AP1G2: variants seen among roughly 807,000 people sequenced by gnomAD.
The protein encoded by AP1G2 is AP-1 complex subunit gamma-like 2.
Under a neutral mutation model 95.8 loss-of-function variants are expected in AP1G2, and 85 were observed. The observed-to-expected ratio is 0.89, with a 90% CI of 0.74 to 1.06. AP1G2 has a LOEUF of 1.06. Ranked by LOEUF, AP1G2 falls within the 50% of genes least tolerant of loss-of-function variation. The pLI is 0.00. For missense variants in AP1G2, 967 were observed against 1,005.8 expected (o/e 0.96, Z 0.52); for synonymous variants, 378 against 400.0 (o/e 0.94, Z 0.66).
rs1414982017 is a variant in AP1G2, at chr14:23,563,433, G to A, written c.1357C>T (p.His453Tyr). ...TQLIGGAQEL[H>Y]AYSVRRLYNA... The stretch of plus-strand genomic sequence containing the variant: ...TAGAGGCGGCGCACAGAGTAGGCAT[G>A]TAGCTCCTGGGCCCCCCCAATCAGC... The change falls in exon 14 of 22, where the codon CAT becomes TAT. Residue 453 changes from histidine to tyrosine, a missense_variant. Coordinates refer to ENST00000397120, the MANE Select transcript of AP1G2 (RefSeq NM_003917.5). 6.8e-6 allele frequency: 11 copies of A among 1,612,544 alleles called. No homozygotes were observed. In the African/African-American group the frequency reaches 1.1e-4, roughly 16 times the overall value.
At chr14:23,565,920 G>T in intron 5 of AP1G2, 28 bp from the exon 6 acceptor site, 1 of 1,600,232 alleles carries the variant, frequency 6.2e-7, no homozygotes, top group Non-Finnish European at 8.5e-7. Flanking sequence ...GAAGTGAATG[G>T]TGGGGGCCAG....
intron 19 of AP1G2, 185 bp from the exon 20 acceptor site, chr14:23,560,603 C>T: frequency 3.6e-6 from 2 of 550,570 alleles, no homozygotes; most frequent in Non-Finnish European, 2.9e-6. Flanking sequence ...TAAAAAAAGG[C>T]CGGGCGTGAG....
intron 4 of AP1G2, 28 bp from the exon 5 acceptor site, chr14:23,566,188 G>A (rs780928506): frequency 6.3e-7 from 1 of 1,595,128 alleles, no homozygotes; most frequent in Non-Finnish European, 8.6e-7. Context: ...CTCAGACAGG[G>A]GTCAGAGGAG....
rs757678536 is a variant in AP1G2 at position 23,563,368 on chromosome 14, T to C, written c.1410+12A>G. ...TTGGGCAGCCCTGGGCCTAGGTAGG[T>C]GGGAATGGTACCTGGGAAATGTCTT... On this transcript the variant is annotated intron_variant, in intron 14 of 21. Coordinates refer to ENST00000397120, the MANE Select transcript of AP1G2 (RefSeq NM_003917.5). 5.7e-6 allele frequency: 9 copies of C among 1,577,950 alleles called. No homozygotes were observed. Among genetic ancestry groups the C allele is most frequent in the Non-Finnish European group, 5.2e-6 (6 of 1,162,596 alleles).
chr14:23,565,952 G>T, intron 5 of AP1G2, 60 bp from the exon 6 acceptor site: 1 of 1,606,650 alleles, frequency 6.2e-7, no homozygotes, highest in Admixed American at 1.7e-5. Flanking sequence ...TCTATTGCGT[G>T]TGTGCCTGTG....
In AP1G2 at chr14:23,567,559, A is replaced by C; in HGVS notation, c.-6+180T>G. 7.6e-7 allele frequency: 1 copy of C among 1,313,780 alleles called. No homozygotes were observed. Among genetic ancestry groups the C allele is most frequent in the Non-Finnish European group, 9.6e-7 (1 of 1,036,322 alleles). The allele number at this position is 1,313,780 out of a possible 1,614,324, so 81.4% of individuals were successfully genotyped here. On this transcript the variant is annotated intron_variant, in intron 1 of 21. Transcript: ENST00000397120. This position sits in a 1 kb window ranked among gnomAD's most constrained non-coding sequence, Gnocchi z 5.3. ...CCCCTTCCTATTGAGCATGCGCGGG[A>C]GCCCCACCTATTTCTCTCTACCGTT...
chr14:23,566,420 C>A lies in AP1G2; in HGVS notation c.330-1G>T, dbSNP rs1378327968. ...TGGCTGAATCCCCTGGCTCAGGTCA[C>A]TGCAGGGTTTGGGAGGACGGTCAGT... On this transcript the variant is annotated splice_acceptor_variant, in intron 3 of 21. Transcript: ENST00000397120. LOFTEE classifies it high-confidence loss of function. The A allele has an allele frequency of 6.2e-7, 1 of 1,613,344 alleles. No individual in the cohort carries two copies. Among genetic ancestry groups the A allele is most frequent in the South Asian group, 1.1e-5 (1 of 91,060 alleles).
In AP1G2 at chr14:23,567,527, A is replaced by T; in HGVS notation, c.-5-208T>A. 4 of 1,349,850 alleles carry T rather than the reference A, an allele frequency of 3.0e-6. No homozygotes were observed. The South Asian group carries it at 7.6e-5, about 26-fold the overall frequency. The allele number at this position is 1,349,850 out of a possible 1,614,324, so 83.6% of individuals were successfully genotyped here. A position where few individuals can be genotyped will look rare whatever the true frequency, so the allele number is the denominator to read the frequency against. On this transcript the variant is annotated intron_variant, in intron 1 of 21. Coordinates refer to ENST00000397120, the MANE Select transcript of AP1G2 (RefSeq NM_003917.5). The surrounding 1 kb of genome is among the most constrained non-coding windows in gnomAD (Gnocchi z 5.3). ...CCCACTACGCATGCGTCCGCACCCCACCGGCGCCCCTTCCTATTGAGCATG... is the reference window on the plus strand; with the variant it reads ...CCCACTACGCATGCGTCCGCACCCCTCCGGCGCCCCTTCCTATTGAGCATG...
rs1886809631 is a variant in AP1G2 at position 23,564,551 on chromosome 14, A to ATT, written c.921+10_921+11insAA. ...GCGGGGCCGTAGTGGGAGAGGCATA[A>ATT]GGGGTGATACCCGTAGGCCAGCTGC... On this transcript the variant is annotated intron_variant, in intron 9 of 21. Transcript: ENST00000397120. The ATT allele has an allele frequency of 6.2e-7, 1 of 1,612,496 alleles. No individual in the cohort carries two copies. Among genetic ancestry groups the ATT allele is most frequent in the East Asian group, 2.2e-5 (1 of 44,886 alleles).
At chr14:23,564,722 T>C (rs1196904514) in intron 8 of AP1G2, 62 bp from the exon 9 acceptor site, 12 of 1,482,770 alleles carry the variant, frequency 8.1e-6, no homozygotes, top group Non-Finnish European at 1.1e-5. Context: ...CTTTTTTTGA[T>C]ACAGGGTCTC....
intron 9 of AP1G2, 66 bp downstream of exon 9, chr14:23,564,496 C>G: frequency 6.2e-7 from 1 of 1,600,640 alleles, no homozygotes; most frequent in East Asian, 2.2e-5. Context: ...GAGAAACCAG[C>G]AAGCAGGACC....
Position 23,567,543 on chromosome 14 carries a change from ATTGAGCATGCGCG to A in AP1G2, c.-6+183_-6+195del, listed in dbSNP as rs1208145936. The A allele has an allele frequency of 7.5e-7, 1 of 1,336,592 alleles. No individual in the cohort carries two copies. The highest frequency in any genetic ancestry group is 4.0e-5 in the Admixed American group (1 of 24,838). The allele number at this position is 1,336,592 out of a possible 1,614,324, so 82.8% of individuals were successfully genotyped here. A position where few individuals can be genotyped will look rare whatever the true frequency, so the allele number is the denominator to read the frequency against. On this transcript the variant is annotated intron_variant, in intron 1 of 21. Transcript: ENST00000397120. This position sits in a 1 kb window ranked among gnomAD's most constrained non-coding sequence, Gnocchi z 5.3. The stretch of plus-strand genomic sequence containing the variant: ...CCGCACCCCACCGGCGCCCCTTCCT[ATTGAGCATGCGCG>A]GGAGCCCCACCTATTTCTCTCTACC...
chr14:23,561,592 G>A lies in AP1G2; in HGVS notation c.1777C>T (p.Pro593Ser). Residue 593 changes from proline (P) to serine (S), a missense_variant, in exon 18 of 22, where the codon CCT (proline) becomes TCT (serine). Transcript: ENST00000397120. ...EKMPLVERDG[P>S]QADEEAKESK... is the part of the protein sequence containing the mutation. ...TCCTTTGCTTCCTCATCAGCCTGAG[G>A]GCCATCTCGCTCCACAAGAGGCATT... The A allele has an allele frequency of 6.2e-7, 1 of 1,614,096 alleles. No homozygotes were observed. Among genetic ancestry groups the A allele is most frequent in the Non-Finnish European group, 8.5e-7 (1 of 1,180,018 alleles).
At position 23,563,090 on chromosome 14, in the gene AP1G2, A is replaced by C. The variant is rs974739386; in HGVS notation, c.1410+290T>G. 3 of 1,325,040 alleles carry C rather than the reference A, an allele frequency of 2.3e-6. No homozygotes were observed. In the African/African-American group the frequency reaches 4.4e-5, roughly 20 times the overall value. The allele number at this position is 1,325,040 out of a possible 1,614,324, so 82.1% of individuals were successfully genotyped here. A position where few individuals can be genotyped will look rare whatever the true frequency, so the allele number is the denominator to read the frequency against. On this transcript the variant is annotated intron_variant, in intron 14 of 21. Transcript: ENST00000397120. ...TTCATTCAGCATTCAAGGTAATAATAAAACCTCATAAACACAAGAGCTTTA... is the reference window on the plus strand; with the variant it reads ...TTCATTCAGCATTCAAGGTAATAATCAAACCTCATAAACACAAGAGCTTTA...
Position 23,562,297 on chromosome 14 carries a change from C to T in AP1G2, c.1619G>A (p.Gly540Glu). Reference protein sequence around the residue: ...ALMKLSTRLCGDNNRIRQVVS... With the variant: ...ALMKLSTRLCEDNNRIRQVVS... ...TGGGACCCCTTCTTACTTGTTGTCC[C>T]CACAGAGGCGAGTGCTGAGCTTCAT... Residue 540 changes from glycine to glutamate, a missense_variant, in exon 16 of 22, where the codon GGG becomes GAG. Transcript: ENST00000397120. 1.2e-6 allele frequency: 2 copies of T among 1,614,190 alleles called. No homozygotes were observed. Among genetic ancestry groups the T allele is most frequent in the Non-Finnish European group, 1.7e-6 (2 of 1,180,024 alleles).
In AP1G2 at chr14:23,562,685, T is replaced by C. The variant is rs556073947; in HGVS notation, c.1411-92A>G. 1.6e-5 allele frequency: 21 copies of C among 1,339,676 alleles called. No homozygotes were observed. In the African/African-American group the frequency reaches 2.9e-4, roughly 19 times the overall value. 83.0% of individuals were successfully genotyped at this position (1,339,676 alleles called of 1,614,324 possible). A position where few individuals can be genotyped will look rare whatever the true frequency, so the allele number is the denominator to read the frequency against. ...TGGGAGGCTGAGGCGGGAGGATTGC[T>C]TGAGACCAGGAGTTCAAGACCAGCC... On this transcript the variant is annotated intron_variant, in intron 14 of 21. Transcript: ENST00000397120.
chr14:23,559,829 G>A lies in AP1G2; in HGVS notation c.2278C>T (p.Arg760Cys), dbSNP rs367730863. 52 of 1,614,102 alleles carry A rather than the reference G, an allele frequency of 3.2e-5. No homozygotes were observed. In the African/African-American group the frequency reaches 4.0e-4, roughly 12 times the overall value. Residue 760 changes from arginine to cysteine, a missense_variant, in exon 22 of 22, where the codon CGC becomes TGC. Transcript: ENST00000397120. ...PNKAPLRLKL[R>C]LTYDHFHQSV... is the part of the protein sequence containing the mutation. ...TGGTGAAAGTGGTCGTAGGTGAGGC[G>A]CAGCTTTAGCCGCAGGGGGGCCTAG...
At position 23,560,398 on chromosome 14, in the gene AP1G2, C is replaced by T; in HGVS notation, c.2014G>A (p.Val672Met). ...PPPAPIPDLK[V>M]FEREGVQLNL... is the part of the protein sequence containing the mutation. Reference sequence around the variant, plus strand: ...AGCTGTACTCCCTCACGCTCAAACACTTTGAGATCTGGGATGGGAGCTGGA... The same window carrying T: ...AGCTGTACTCCCTCACGCTCAAACATTTTGAGATCTGGGATGGGAGCTGGA... Residue 672 changes from valine (V) to methionine (M), a missense_variant, in exon 20 of 22, where the codon GTG (valine) becomes ATG (methionine). Transcript: ENST00000397120. The T allele has an allele frequency of 6.2e-7, 1 of 1,613,654 alleles. No homozygotes were observed. Among genetic ancestry groups the T allele is most frequent in the Non-Finnish European group, 8.5e-7 (1 of 1,179,750 alleles).
At chr14:23,562,443 C>A (rs1265862103) in intron 15 of AP1G2, 28 bp from the exon 16 acceptor site, 2 of 1,613,940 alleles carry the variant, frequency 1.2e-6, no homozygotes, top group Non-Finnish European at 1.7e-6. Flanking sequence ...GTTAGTGGCC[C>A]TGGTGCAAGT....
Sources: allele counts gnomAD v4.1 joint callset, GRCh38; gene constraint gnomAD v4.1.1; non-coding constraint Gnocchi (gnomAD v3.1); transcripts MANE v1.5; gene names NCBI Gene and HGNC (gene_info 2026-07-23, HGNC 2026-07-21).